The following CHD5 variants were observed in gnomAD, a reference collection of about 807,000 sequenced individuals.
The protein encoded by CHD5 is chromodomain helicase DNA binding protein 5, also known as ATP-dependent chromatin remodeler CHD5.
CHD5 carries 69 observed loss-of-function variants against 230.3 expected under a neutral mutation model. The ratio of observed to expected loss-of-function variants is 0.30; its 90% CI spans 0.25 to 0.37. CHD5 has a LOEUF of 0.37. CHD5 is among the 10% of genes least tolerant of loss of function. CHD5 has a pLI of 1.00. For missense variants in CHD5, 1,827 were observed against 2,622.8 expected (o/e 0.70, Z 6.63); for synonymous variants, 1,064 against 1,065.9 (o/e 1.00, Z 0.03).
intron 1 of CHD5, among the ~76,000 whole-genome samples, chr1:6,170,200 G>T (rs1278658481): frequency 6.6e-6 from 1 of 152,124 alleles, no homozygotes; most frequent in Non-Finnish European, 1.5e-5. Flanking sequence ...GCGACCCCCA[G>T]TGTGGCCCAC....
rs944888968 is a variant in CHD5, at chr1:6,155,920, G to A, written c.388-203C>T. Among the ~76,000 whole-genome samples, 6 of 152,218 alleles carry A rather than the reference G, an allele frequency of 3.9e-5. No homozygotes were observed. The highest frequency in any genetic ancestry group is 9.6e-5 in the African/African-American group (4 of 41,460). On this transcript the variant is annotated intron_variant, in intron 3 of 41. Coordinates refer to ENST00000262450, the MANE Select transcript of CHD5 (RefSeq NM_015557.3). The surrounding 1 kb of genome is among the most constrained non-coding windows in gnomAD (Gnocchi z 4.0). ...CCCCGCAGCCCCCAATCTGTGCCAC[G>A]TCTCAGATGCCAGCCCACGAAGTGC...
rs561390234 is a variant in CHD5 at position 6,105,596 on chromosome 1, A to G, written c.*47-169T>C. Among the ~76,000 whole-genome samples the G allele has an allele frequency of 6.5e-4, 99 of 152,304 alleles. No homozygotes were observed. The highest frequency in any genetic ancestry group is 8.1e-4 in the Non-Finnish European group (55 of 68,026). ...GCTGCCGGGCCAGGCCATGAGCTACACCCAGAGTGCCGAGAGCACCCAGGA... is the reference window on the plus strand; with the variant it reads ...GCTGCCGGGCCAGGCCATGAGCTACGCCCAGAGTGCCGAGAGCACCCAGGA... On this transcript the variant is annotated intron_variant, in intron 41 of 41. Coordinates refer to ENST00000262450, the MANE Select transcript of CHD5 (RefSeq NM_015557.3). The surrounding 1 kb of genome is among the most constrained non-coding windows in gnomAD (Gnocchi z 4.8).
chr1:6,135,739 G>C (rs1666736015), intron 17 of CHD5, among the ~76,000 whole-genome samples: 1 of 152,158 alleles, frequency 6.6e-6, no homozygotes, highest in African/African-American at 2.4e-5. Context: ...TACATCTCCT[G>C]GTGGCTCATG....
Position 6,129,964 on chromosome 1 carries a change from T to A in CHD5, c.3387+240A>T, listed in dbSNP as rs1036829632. Among the ~76,000 whole-genome samples the A allele has an allele frequency of 2.6e-5, 4 of 152,150 alleles. No homozygotes were observed. The highest frequency in any genetic ancestry group is 9.7e-5 in the African/African-American group (4 of 41,434). On this transcript the variant is annotated intron_variant, in intron 22 of 41. Coordinates refer to ENST00000262450, the MANE Select transcript of CHD5 (RefSeq NM_015557.3). The surrounding 1 kb of genome is among the most constrained non-coding windows in gnomAD (Gnocchi z 6.8). ...GGAACTGCTGTGCGCCCTGGGACACTTCCCCTGCCCTCTCCAAGCCTGCTT... is the reference window on the plus strand; with the variant it reads ...GGAACTGCTGTGCGCCCTGGGACACATCCCCTGCCCTCTCCAAGCCTGCTT...
At chr1:6,139,557 A>G (rs79656345) in intron 15 of CHD5, among the ~76,000 whole-genome samples, 1 of 149,948 alleles carries the variant, frequency 6.7e-6, no homozygotes, top group African/African-American at 2.5e-5. Flanking sequence ...TTTTTTTTAA[A>G]GAGACAGAGT....
At chr1:6,107,162 G>A (rs1666192883) in intron 38 of CHD5, among the ~76,000 whole-genome samples, 1 of 147,222 alleles carries the variant, frequency 6.8e-6, no homozygotes, top group East Asian at 2.1e-4. Context: ...AAGATGGAGG[G>A]ATGGAGGGAA....
intron 15 of CHD5, among the ~76,000 whole-genome samples, chr1:6,141,764 G>A (rs1275630105): frequency 6.6e-6 from 1 of 152,162 alleles, no homozygotes; most frequent in Non-Finnish European, 1.5e-5. Context: ...AAACTGACGC[G>A]ACAGCTGTAG....
chr1:6,150,383 T>C (rs996338924), intron 7 of CHD5, among the ~76,000 whole-genome samples: 1 of 139,750 alleles, frequency 7.2e-6, no homozygotes, highest in Non-Finnish European at 1.5e-5. Flanking sequence ...GATGGATGGA[T>C]GGATGGATGG....
chr1:6,140,691 T>C (rs1363009175), intron 15 of CHD5, among the ~76,000 whole-genome samples: 1 of 151,998 alleles, frequency 6.6e-6, no homozygotes, highest in Non-Finnish European at 1.5e-5. Context: ...CTTTTGGAAA[T>C]AGGGTCTTTG....
In CHD5 at chr1:6,167,865, G is replaced by A. The variant is rs919614898; in HGVS notation, c.207+285C>T. On this transcript the variant is annotated intron_variant, in intron 2 of 41. Transcript: ENST00000262450. This position sits in a 1 kb window ranked among gnomAD's most constrained non-coding sequence, Gnocchi z 4.5. ...CAGGGAGGTAGGGAGGCACCGTGGC[G>A]ACGGAATCCAGCCCTGTCCCTCGCA... 1.3e-5 allele frequency among the ~76,000 whole-genome samples: 2 copies of A among 152,162 alleles called. No individual in the cohort carries two copies. The highest frequency in any genetic ancestry group is 6.5e-5 in the Admixed American group (1 of 15,286).
In CHD5 at chr1:6,144,990, A is replaced by G. The variant is rs114249859; in HGVS notation, c.1803-835T>C. On this transcript the variant is annotated intron_variant, in intron 11 of 41. Transcript: ENST00000262450. ...CCACTTTGGGGCAGAGAGAAAAACTACCATGTATATTTTTAGCATGTAATT... is the reference window on the plus strand; with the variant it reads ...CCACTTTGGGGCAGAGAGAAAAACTGCCATGTATATTTTTAGCATGTAATT... 2.0e-3 allele frequency among the ~76,000 whole-genome samples: 306 copies of G among 152,350 alleles called. 1 individual carries two copies. Among genetic ancestry groups the G allele is most frequent in the African/African-American group, 7.0e-3 (293 of 41,584 alleles).
intron 33 of CHD5, among the ~76,000 whole-genome samples, chr1:6,115,118 C>G (rs1191188373): frequency 6.6e-6 from 1 of 152,014 alleles, no homozygotes. Flanking sequence ...CGAGACCATC[C>G]TGGCTAACAC....
At chr1:6,108,589 G>A (rs545980670) in intron 38 of CHD5, among the ~76,000 whole-genome samples, 5 of 150,748 alleles carry the variant, frequency 3.3e-5, no homozygotes, top group African/African-American at 1.2e-4. Context: ...AGGGATGGAG[G>A]GGTGGAAGGA....
chr1:6,111,728 C>T (rs372540883), intron 36 of CHD5, 47 bp downstream of exon 36: 424 of 1,497,716 alleles, frequency 2.8e-4, no homozygotes, highest in Non-Finnish European at 3.9e-4. Context: ...CCGAGGTCCA[C>T]GGAGGAACGG....
At chr1:6,172,164 G>A (rs991633656) in intron 1 of CHD5, among the ~76,000 whole-genome samples, 3 of 152,226 alleles carry the variant, frequency 2.0e-5, no homozygotes, top group African/African-American at 2.4e-5. Context: ...CGGCCAGGCC[G>A]ATGAGGTGGG....
At chr1:6,149,205 G>T (rs41279496) in intron 8 of CHD5, 41 bp downstream of exon 8, 133,809 of 1,523,642 alleles carry the variant, frequency 0.088, 8,402 homozygotes, top group East Asian at 0.3. Flanking sequence ...GGGGAGCCAG[G>T]CGTGGCCCCG....
In CHD5 at chr1:6,121,700, TC is replaced by T. The variant is rs1666474282; in HGVS notation, c.4700-128del. 3.1e-6 allele frequency: 2 copies of T among 638,708 alleles called. No individual in the cohort carries two copies. Among genetic ancestry groups the T allele is most frequent in the South Asian group, 1.9e-5 (1 of 52,570 alleles). The allele number at this position is 638,708 out of a possible 1,614,324, so 39.6% of individuals were successfully genotyped here. Reference sequence around the variant, plus strand: ...GGAGGCTCCACTGCAGCCAAGCACCTCCAGGAGAGACAAGCAGGATCCCCGG... The same window carrying T: ...GGAGGCTCCACTGCAGCCAAGCACCTCAGGAGAGACAAGCAGGATCCCCGG... On this transcript the variant is annotated intron_variant, in intron 31 of 41. Coordinates refer to ENST00000262450, the MANE Select transcript of CHD5 (RefSeq NM_015557.3). This position sits in a 1 kb window ranked among gnomAD's most constrained non-coding sequence, Gnocchi z 4.5.
At chr1:6,123,478 G>A (rs982754715) in intron 31 of CHD5, among the ~76,000 whole-genome samples, 2 of 151,892 alleles carry the variant, frequency 1.3e-5, no homozygotes, top group African/African-American at 4.8e-5. Context: ...CCAGGCTGGA[G>A]TGCAGTGGTG....
At position 6,142,626 on chromosome 1, in the gene CHD5, C is replaced by T; in HGVS notation, c.2044-21G>A. 6.3e-7 allele frequency: 1 copy of T among 1,598,600 alleles called. No individual in the cohort carries two copies. Among genetic ancestry groups the T allele is most frequent in the South Asian group, 1.1e-5 (1 of 89,206 alleles). ...GTGGGCTGCAGGGGAGGCAGCGGTT[C>T]AGACACGCCCCAGATCCTGGGCCAC... is the stretch of plus-strand genomic sequence containing the variant. On this transcript the variant is annotated intron_variant, in intron 13 of 41. Transcript: ENST00000262450. The surrounding 1 kb of genome is among the most constrained non-coding windows in gnomAD (Gnocchi z 5.2).
Sources: allele counts gnomAD v4.1 joint callset (sites outside exome capture counted in the v4.1 genomes callset), GRCh38; gene constraint gnomAD v4.1.1; non-coding constraint Gnocchi (gnomAD v3.1); transcripts MANE v1.5; gene names NCBI Gene and HGNC (gene_info 2026-07-23, HGNC 2026-07-21).